The following FAM118A variants were observed in gnomAD, a reference collection of about 807,000 sequenced individuals.
The protein encoded by FAM118A is SIR2 antiphage like 2, also known as protein FAM118A.
Under a neutral mutation model 38.2 loss-of-function variants are expected in FAM118A, and 25 were observed. That is an observed-to-expected ratio of 0.65 (90% CI 0.48 to 0.91). FAM118A has a LOEUF of 0.91. Ranked by LOEUF, FAM118A falls within the 40% of genes least tolerant of loss-of-function variation. The pLI is 0.00. For synonymous variants in FAM118A, 178 were observed against 184.1 expected (o/e 0.97, Z 0.27); for missense variants, 425 against 463.3 (o/e 0.92, Z 0.76).
intron 5 of FAM118A, 37 bp from the exon 6 acceptor site, chr22:45,332,388 C>T (rs1328363685): frequency 6.3e-7 from 1 of 1,584,796 alleles, no homozygotes; most frequent in Non-Finnish European, 8.6e-7. Context: ...TGCTGTCTTT[C>T]AAATGAGCAC....
chr22:45,327,075 A>G (rs981312289), intron 3 of FAM118A, among the ~76,000 whole-genome samples: 2 of 151,082 alleles, frequency 1.3e-5, no homozygotes, highest in African/African-American at 4.8e-5. Context: ...AATTAAAAAA[A>G]TTTTTAAAAA....
chr22:45,327,791 G>A (rs751505097), intron 3 of FAM118A, 51 bp from the exon 4 acceptor site: 3 of 1,583,718 alleles, frequency 1.9e-6, no homozygotes, highest in Non-Finnish European at 2.6e-6. Context: ...TAGGTGCTCA[G>A]TAGTTGTTAA....
rs535819326 is a variant in FAM118A, at chr22:45,340,606, C to T, written c.*201C>T. On this transcript the variant is annotated 3_prime_UTR_variant, in exon 9 of 9. Transcript: ENST00000441876. The stretch of plus-strand genomic sequence containing the variant: ...TGTTGAACTATGCAGGAGGGTGACG[C>T]GGACACATTTCAGGTGGACTTTGCA... The T allele has an allele frequency of 6.1e-5, 37 of 605,288 alleles. No individual in the cohort carries two copies. The highest frequency in any genetic ancestry group is 8.5e-5 in the Non-Finnish European group (29 of 339,982). 37.5% of individuals were successfully genotyped at this position (605,288 alleles called of 1,614,324 possible).
At chr22:45,328,789 G>C in intron 4 of FAM118A, 21 of 207,726 alleles carry the variant, frequency 1.0e-4, no homozygotes, top group East Asian at 3.8e-4. Context: ...AAAAACAAAA[G>C]AAAAAAAAAA....
intron 1 of FAM118A, among the ~76,000 whole-genome samples, chr22:45,315,970 G>T (rs1362503527): frequency 6.6e-6 from 1 of 152,186 alleles, no homozygotes; most frequent in Non-Finnish European, 1.5e-5. Flanking sequence ...AAACCTATCA[G>T]CTGGATCGCA....
intron 8 of FAM118A, among the ~76,000 whole-genome samples, chr22:45,337,016 A>G (rs2086151672): frequency 6.6e-6 from 1 of 152,128 alleles, no homozygotes; most frequent in Non-Finnish European, 1.5e-5. Context: ...ATGAAGGGCG[A>G]TCTCGCTTGT....
At chr22:45,336,785 C>A (rs918392759) in intron 8 of FAM118A, among the ~76,000 whole-genome samples, 2 of 152,232 alleles carry the variant, frequency 1.3e-5, no homozygotes, top group East Asian at 3.8e-4. Context: ...TCTAATCACA[C>A]GCAGTTGAGG....
chr22:45,329,024 C>G (rs1293665524), intron 4 of FAM118A: 1 of 154,050 alleles, frequency 6.5e-6, no homozygotes, highest in African/African-American at 2.4e-5. Context: ...CAAGAAGTCA[C>G]TGTCACGAAG....
At chr22:45,313,235 C>T (rs545856484) in intron 1 of FAM118A, among the ~76,000 whole-genome samples, 11 of 151,750 alleles carry the variant, frequency 7.2e-5, no homozygotes, top group African/African-American at 2.2e-4. Flanking sequence ...TCAGAAATTT[C>T]CCTCTGGTGA....
chr22:45,321,329 A>T (rs2084866224), intron 1 of FAM118A, among the ~76,000 whole-genome samples: 1 of 151,784 alleles, frequency 6.6e-6, no homozygotes, highest in Non-Finnish European at 1.5e-5. Flanking sequence ...GCAAAACCTT[A>T]TTTTTCTGTA....
chr22:45,333,542 C>T (rs1324522559), intron 6 of FAM118A, among the ~76,000 whole-genome samples: 1 of 151,848 alleles, frequency 6.6e-6, no homozygotes. Context: ...GGCATGGTGG[C>T]GGGCACCTGT....
At chr22:45,314,791 G>A (rs188294402) in intron 1 of FAM118A, among the ~76,000 whole-genome samples, 1 of 152,192 alleles carries the variant, frequency 6.6e-6, no homozygotes, top group Admixed American at 6.5e-5. Flanking sequence ...TGTCACATCT[G>A]GTGGACAAAC....
intron 6 of FAM118A, among the ~76,000 whole-genome samples, chr22:45,334,743 A>C (rs1473805942): frequency 6.6e-6 from 1 of 152,228 alleles, no homozygotes; most frequent in Non-Finnish European, 1.5e-5. Context: ...ACTGCAGAGC[A>C]AAATACACCA....
rs770694262 is a variant in FAM118A, at chr22:45,335,388, G to A, written c.970+6G>A. The A allele has an allele frequency of 2.5e-6, 4 of 1,614,182 alleles. No homozygotes were observed. The highest frequency in any genetic ancestry group is 2.5e-6 in the Non-Finnish European group (3 of 1,180,018). On this transcript the variant is annotated splice_donor_region_variant and intron_variant, in intron 7 of 8. Transcript: ENST00000441876. ...GGACAGCACCACATTATTGGGTAAA[G>A]CAGATCTTTCTTCTTGCCAGCCTGT... is the stretch of plus-strand genomic sequence containing the variant.
chr22:45,331,320 T>C (rs138200039), intron 5 of FAM118A, among the ~76,000 whole-genome samples: 1 of 151,998 alleles, frequency 6.6e-6, no homozygotes, highest in East Asian at 1.9e-4. Flanking sequence ...CGATACCTCA[T>C]TTCTAAAAAA....
At chr22:45,323,041 C>CTGTGTGTGTG (rs3041118) in intron 2 of FAM118A, 134 bp from the exon 3 acceptor site, 28,344 of 655,572 alleles carry the variant, frequency 0.043, 947 homozygotes, top group African/African-American at 0.18. Flanking sequence ...TCAGAGGGGA[C>CTGTGTGTGTG]TGTGTGTGTG....
At position 45,340,580 on chromosome 22, in the gene FAM118A, GTGT is replaced by G; in HGVS notation, c.*178_*180del. On this transcript the variant is annotated 3_prime_UTR_variant, in exon 9 of 9. Coordinates refer to ENST00000441876, the MANE Select transcript of FAM118A (RefSeq NM_017911.4). Reference sequence around the variant, plus strand: ...AGGCTGGGTGAGAGGGCTCCCCTGTGTGTTGAACTATGCAGGAGGGTGACGCGG... The same window carrying G: ...AGGCTGGGTGAGAGGGCTCCCCTGTGTGAACTATGCAGGAGGGTGACGCGG... 1.4e-6 allele frequency: 1 copy of G among 712,288 alleles called. No individual in the cohort carries two copies. Among genetic ancestry groups the G allele is most frequent in the Non-Finnish European group, 2.5e-6 (1 of 404,730 alleles). 44.1% of individuals were successfully genotyped at this position (712,288 alleles called of 1,614,324 possible).
chr22:45,312,917 A>G (rs988870741), intron 1 of FAM118A, among the ~76,000 whole-genome samples: 1 of 152,142 alleles, frequency 6.6e-6, no homozygotes, highest in Non-Finnish European at 1.5e-5. Flanking sequence ...CGACTTAAGC[A>G]TGTAGGCATG....
intron 1 of FAM118A, among the ~76,000 whole-genome samples, chr22:45,320,504 G>A (rs528185925): frequency 2.0e-5 from 3 of 151,248 alleles, no homozygotes; most frequent in Admixed American, 6.6e-5. Context: ...TGGCACAGTC[G>A]TGGTTCACTG....
Sources: allele counts gnomAD v4.1 joint callset (sites outside exome capture counted in the v4.1 genomes callset), GRCh38; gene constraint gnomAD v4.1.1; transcripts MANE v1.5; gene names NCBI Gene and HGNC (gene_info 2026-07-23, HGNC 2026-07-21).